VAPA: variants seen among roughly 807,000 people sequenced by gnomAD.
VAPA encodes the protein vesicle-associated membrane protein-associated protein A.
A neutral mutation model predicts 25.6 loss-of-function variants in VAPA; 6 were observed. The ratio of observed to expected loss-of-function variants is 0.23; its 90% CI spans 0.13 to 0.46. The LOEUF (loss-of-function observed/expected upper bound fraction) is 0.46, where lower values mean the gene tolerates loss of function less well. VAPA is among the 20% of genes least tolerant of loss of function. The pLI, the probability that VAPA is intolerant of heterozygous loss-of-function variation, is 0.99. For missense variants in VAPA, 244 were observed against 302.1 expected (o/e 0.81, Z 1.43); for synonymous variants, 112 against 106.2 (o/e 1.05, Z -0.34).
intron 1 of VAPA, among the ~76,000 whole-genome samples, chr18:9,920,857 G>A (rs1161074280): frequency 6.6e-6 from 1 of 152,158 alleles, no homozygotes; most frequent in African/African-American, 2.4e-5. Flanking sequence ...GCTCTGCTTA[G>A]AATATTGTCC....
In VAPA at chr18:9,932,840, G is replaced by A. The variant is rs138797530; in HGVS notation, c.232+878G>A. On this transcript the variant is annotated intron_variant, in intron 2 of 5. Transcript: ENST00000400000. ...ATGTTACATTTAGGCCGGGCGCGGT[G>A]GCTTATGCCTGTAATCCCAGCACTT... Among the ~76,000 whole-genome samples the A allele has an allele frequency of 6.0e-3, 919 of 152,268 alleles. 16 individuals carry two copies. The highest frequency in any genetic ancestry group is 0.021 in the African/African-American group (885 of 41,544).
intron 2 of VAPA, among the ~76,000 whole-genome samples, chr18:9,934,172 T>C (rs2069284887): frequency 6.6e-6 from 1 of 152,220 alleles, no homozygotes. Context: ...CCAACAACCT[T>C]CTCTGGTTAA....
At chr18:9,952,635 C>T (rs1290197697) in intron 5 of VAPA, among the ~76,000 whole-genome samples, 2 of 151,996 alleles carry the variant, frequency 1.3e-5, no homozygotes, top group Non-Finnish European at 2.9e-5. Context: ...TACACAGGCC[C>T]ACCATAATTT....
At chr18:9,944,183 A>T (rs562116458) in intron 4 of VAPA, among the ~76,000 whole-genome samples, 1 of 151,862 alleles carries the variant, frequency 6.6e-6, no homozygotes, top group East Asian at 1.9e-4. Context: ...AAAAATACTG[A>T]TTTTTTTTAA....
intron 5 of VAPA, among the ~76,000 whole-genome samples, chr18:9,952,564 CA>C (rs58664560): frequency 0.37 from 40,051 of 109,680 alleles, 5,655 homozygotes; most frequent in Middle Eastern, 0.48. Flanking sequence ...AACATCGTCT[CA>C]AAAAAAAAAA....
At chr18:9,929,075 A>G (rs989708381) in intron 1 of VAPA, among the ~76,000 whole-genome samples, 4 of 152,306 alleles carry the variant, frequency 2.6e-5, no homozygotes, top group South Asian at 4.1e-4. Context: ...GATGAGTGGC[A>G]TTGCTATTGT....
chr18:9,945,066 A>T, intron 4 of VAPA: 1 of 1,613,234 alleles, frequency 6.2e-7, no homozygotes, highest in East Asian at 2.2e-5. Flanking sequence ...AAGGTTTGTT[A>T]TAGGGAGTTA....
Position 9,914,287 on chromosome 18 carries a change from C to G in VAPA, c.31C>G (p.His11Asp). ...GTCCGCCTCAGGGGCCATGGCGAAGCACGAGCAGATCCTGGTCCTCGATCC... is the reference window on the plus strand; with the variant it reads ...GTCCGCCTCAGGGGCCATGGCGAAGGACGAGCAGATCCTGGTCCTCGATCC... MASASGAMAKHEQILVLDPPT... is the reference protein window; with the variant it reads MASASGAMAKDEQILVLDPPT... The change falls in exon 1 of 6, where the codon CAC becomes GAC. Residue 11 changes from histidine (H) to aspartate (D), a missense_variant. Transcript: ENST00000400000. The G allele has an allele frequency of 6.3e-7, 1 of 1,592,212 alleles. No homozygotes were observed. Among genetic ancestry groups the G allele is most frequent in the Non-Finnish European group, 8.5e-7 (1 of 1,170,438 alleles).
intron 1 of VAPA, among the ~76,000 whole-genome samples, chr18:9,929,252 C>A (rs1276111713): frequency 1.3e-5 from 2 of 152,132 alleles, no homozygotes; most frequent in Non-Finnish European, 2.9e-5. Flanking sequence ...CATAGTACTT[C>A]ATTGTGTGGG....
chr18:9,920,324 A>G (rs1004711167), intron 1 of VAPA, among the ~76,000 whole-genome samples: 8 of 151,800 alleles, frequency 5.3e-5, no homozygotes, highest in African/African-American at 1.9e-4. Flanking sequence ...TTTTCTTGAG[A>G]TGGAGTCTCG....
rs2069480623 is a variant in VAPA at position 9,950,669 on chromosome 18, G to A, written c.591+101G>A. 5 of 1,317,112 alleles carry A rather than the reference G, an allele frequency of 3.8e-6. No homozygotes were observed. The South Asian group carries it at 7.5e-5, about 20-fold the overall frequency. 81.6% of individuals were successfully genotyped at this position (1,317,112 alleles called of 1,614,324 possible). A position where few individuals can be genotyped will look rare whatever the true frequency, so the allele number is the denominator to read the frequency against. On this transcript the variant is annotated intron_variant, in intron 5 of 5. Transcript: ENST00000400000. ...CAATTAGCTTTTAAATTTTTGCTTG[G>A]TCAGTTCTTTCTTCTTTGCCCCAGT... is the stretch of plus-strand genomic sequence containing the variant.
chr18:9,954,000 C>T (rs1402519638), intron 5 of VAPA, 53 bp from the exon 6 acceptor site: 5 of 1,602,238 alleles, frequency 3.1e-6, no homozygotes, highest in African/African-American at 2.7e-5. Flanking sequence ...CTCCAGTAGT[C>T]TCGTTAGTAT....
At chr18:9,945,350 CTTTTTTTTTTTTT>C (rs869048248) in intron 4 of VAPA, among the ~76,000 whole-genome samples, 31 of 57,272 alleles carry the variant, frequency 5.4e-4, no homozygotes, top group African/African-American at 1.2e-3. Flanking sequence ...GGAATATACT[CTTTTTTTTTTTTT>C]TTTTTTTTTT....
intron 1 of VAPA, among the ~76,000 whole-genome samples, chr18:9,929,790 A>T (rs535717101): frequency 1.3e-5 from 2 of 152,302 alleles, no homozygotes; most frequent in African/African-American, 4.8e-5. Context: ...TGGAGCAGAA[A>T]ATCTCAAATT....
intron 2 of VAPA, among the ~76,000 whole-genome samples, chr18:9,932,547 CAT>C (rs2069266594): frequency 6.6e-6 from 1 of 152,172 alleles, no homozygotes. Context: ...ATACTGGTAC[CAT>C]ATCTAATGCC....
At chr18:9,945,748 T>C (rs1567900605) in intron 4 of VAPA, among the ~76,000 whole-genome samples, 1 of 152,208 alleles carries the variant, frequency 6.6e-6, no homozygotes, top group Non-Finnish European at 1.5e-5. Context: ...ATTATCTAAA[T>C]GTTTAATAAT....
chr18:9,927,626 C>A (rs1015686545), intron 1 of VAPA, among the ~76,000 whole-genome samples: 1 of 151,996 alleles, frequency 6.6e-6, no homozygotes, highest in African/African-American at 2.4e-5. Flanking sequence ...AGGGTATTTC[C>A]TGCTGGAAAA....
intron 1 of VAPA, among the ~76,000 whole-genome samples, chr18:9,919,236 T>C (rs964051971): frequency 3.0e-4 from 45 of 152,370 alleles, no homozygotes; most frequent in African/African-American, 1.0e-3. Context: ...ACAATATGCA[T>C]ATCTAATAAT....
At chr18:9,947,930 A>G (rs2069442911) in intron 4 of VAPA, 1 of 152,144 alleles carries the variant, frequency 6.6e-6, no homozygotes, top group South Asian at 2.1e-4. Context: ...TATGTAGCAT[A>G]TGTATATGTA....
Sources: gnomAD v4.1 joint callset for allele counts (sites outside exome capture counted in the v4.1 genomes callset) on GRCh38, gnomAD v4.1.1 for gene constraint, MANE v1.5 for transcripts, NCBI Gene and HGNC (gene_info 2026-07-23, HGNC 2026-07-21) for gene names.